CUBN: variants seen among roughly 807,000 people sequenced by gnomAD.
CUBN encodes the protein cubilin, also known as 460 kDa receptor.
Under a neutral mutation model 405.3 loss-of-function variants are expected in CUBN, and 282 were observed. That is an observed-to-expected ratio of 0.70 (90% CI 0.63 to 0.77). The LOEUF (loss-of-function observed/expected upper bound fraction) is 0.77. Ranked by LOEUF, CUBN falls within the 30% of genes least tolerant of loss-of-function variation. The probability of loss-of-function intolerance (pLI) is 0.00; values close to 1 mark genes in which losing one functional copy is unlikely to be tolerated. For synonymous variants in CUBN, 1,684 were observed against 1,617.0 expected, an observed-to-expected ratio of 1.04 and a Z score of -0.99; for missense variants, 4,514 against 4,475.2, an observed-to-expected ratio of 1.01 and a Z score of -0.25.
In CUBN at chr10:17,099,993, G is replaced by T. The variant is rs1836460364; in HGVS notation, c.1765+12C>A. The stretch of plus-strand genomic sequence containing the variant: ...AAATTTTGCTTGCTTTTTTCTCCAG[G>T]TTCACACATACCTGGTTGCTGTGTT... On this transcript the variant is annotated intron_variant, in intron 14 of 66. Coordinates refer to ENST00000377833, the MANE Select transcript of CUBN (RefSeq NM_001081.4). 4 of 1,595,286 alleles carry T rather than the reference G, an allele frequency of 2.5e-6. No homozygotes were observed. The highest frequency in any genetic ancestry group is 2.7e-5 in the African/African-American group (2 of 74,468).
rs187792743 is a variant in CUBN, at chr10:17,014,074, G to A, written c.4168+5759C>T. Among the ~76,000 whole-genome samples the A allele has an allele frequency of 3.3e-5, 5 of 152,294 alleles. No homozygotes were observed. In the South Asian group the frequency reaches 1.0e-3, roughly 32 times the overall value. On this transcript the variant is annotated intron_variant, in intron 28 of 66. Coordinates refer to ENST00000377833, the MANE Select transcript of CUBN (RefSeq NM_001081.4). The stretch of plus-strand genomic sequence containing the variant: ...GCACCTGGTATCTAAGTAGGCGGTT[G>A]TCTGATAGCCATAAACTTCCTTTGG...
At chr10:16,989,741 C>T (rs942180435) in intron 29 of CUBN, among the ~76,000 whole-genome samples, 1 of 152,120 alleles carries the variant, frequency 6.6e-6, no homozygotes, top group Non-Finnish European at 1.5e-5. Flanking sequence ...CTTCAAATGC[C>T]TCATGCTACC....
In CUBN at chr10:16,906,357, G is replaced by C; in HGVS notation, c.7758C>G (p.Gly2586=). The change falls in exon 50 of 67, where the codon GGC becomes GGG. Residue 2586 remains glycine, a synonymous_variant. Transcript: ENST00000377833. ...TTGAGTAATTCCTGACTCCGTCATA[G>C]CCAGGAGAAGTAAAGTTTCCTTCAG... is the stretch of plus-strand genomic sequence containing the variant. ...NTPEGNFTSP[G]YDGVRNYSRN... 1 of 1,614,038 alleles carries C rather than the reference G, an allele frequency of 6.2e-7. No homozygotes were observed. The highest frequency in any genetic ancestry group is 8.5e-7 in the Non-Finnish European group (1 of 1,179,912).
chr10:16,990,383 T>A lies in CUBN; in HGVS notation c.4301A>T (p.His1434Leu), dbSNP rs147373223. 6.2e-7 allele frequency: 1 copy of A among 1,614,202 alleles called. No individual in the cohort carries two copies. The highest frequency in any genetic ancestry group is 1.3e-5 in the African/African-American group (1 of 75,060). ...DPGSSIQLTI[H>L]DFDVEYHSRC... ...TGAATGATACTCCACATCGAAGTCATGGATGGTGAGCTGAATGCTACTCCC... is the reference window on the plus strand; with the variant it reads ...TGAATGATACTCCACATCGAAGTCAAGGATGGTGAGCTGAATGCTACTCCC... Residue 1434 changes from histidine (H) to leucine (L), a missense_variant, in exon 29 of 67, where the codon CAT becomes CTT. This residue lies in a region of CUBN where 1,613 missense variants were observed against 1,542.8 expected (regional missense o/e 1.05). Coordinates refer to ENST00000377833, the MANE Select transcript of CUBN (RefSeq NM_001081.4).
At chr10:16,875,613 A>G (rs996043614) in intron 57 of CUBN, among the ~76,000 whole-genome samples, 2 of 152,228 alleles carry the variant, frequency 1.3e-5, no homozygotes, top group Non-Finnish European at 2.9e-5. Context: ...AAAGTGAATT[A>G]CATGTCAGAT....
chr10:17,022,195 T>C (rs1294330922), intron 27 of CUBN, among the ~76,000 whole-genome samples: 2 of 152,158 alleles, frequency 1.3e-5, no homozygotes, highest in Non-Finnish European at 2.9e-5. Flanking sequence ...AAATCGCAGA[T>C]TTTTAAACCT....
chr10:17,106,506 G>T (rs1420462616), intron 10 of CUBN, among the ~76,000 whole-genome samples: 4 of 149,530 alleles, frequency 2.7e-5, no homozygotes. Context: ...GCCGAGGCAG[G>T]AGAATCACTT....
intron 45 of CUBN, among the ~76,000 whole-genome samples, chr10:16,917,260 TAAAC>T (rs1350230633): frequency 1.3e-5 from 2 of 152,184 alleles, no homozygotes; most frequent in Admixed American, 1.3e-4. Context: ...CTTAAAGTAA[TAAAC>T]ATACTGCATT....
chr10:16,874,308 A>G, intron 58 of CUBN, 66 bp downstream of exon 58: 1 of 1,554,956 alleles, frequency 6.4e-7, no homozygotes, highest in Middle Eastern at 1.7e-4. Context: ...CCATCAATAA[A>G]CGAATGGCTC....
Position 16,869,782 on chromosome 10 carries a change from T to A in CUBN, c.9308A>T (p.Asn3103Ile), listed in dbSNP as rs1171740040. 6.2e-7 allele frequency: 1 copy of A among 1,614,020 alleles called. No individual in the cohort carries two copies. Among genetic ancestry groups the A allele is most frequent in the Non-Finnish European group, 8.5e-7 (1 of 1,179,996 alleles). ...TTTGCCAAGAAGGGGATCGCTGGTATTGGCACCATCGTAAATTGCCAGGTA... is the reference window on the plus strand; with the variant it reads ...TTTGCCAAGAAGGGGATCGCTGGTAATGGCACCATCGTAAATTGCCAGGTA... The part of the protein sequence containing the change: ...HDYLAIYDGA[N>I]TSDPLLGKFC... The change falls in exon 59 of 67, where the codon AAT becomes ATT. Residue 3103 changes from asparagine (N) to isoleucine (I), a missense_variant. Coordinates refer to ENST00000377833, the MANE Select transcript of CUBN (RefSeq NM_001081.4).
rs753748683 is a variant in CUBN, at chr10:16,828,811, G to A, written c.10758C>T (p.Cys3586=). 5.0e-6 allele frequency: 8 copies of A among 1,607,266 alleles called. No homozygotes were observed. Among genetic ancestry groups the A allele is most frequent in the Admixed American group, 3.3e-5 (2 of 59,996 alleles). The change falls in exon 66 of 67, where the codon TGC becomes TGT. Residue 3586 remains cysteine, a synonymous_variant. Transcript: ENST00000377833. ...AAATGTTTGTTTTACTCACGCCTCCGCAGTATGGTCCAGAGGATGGAGAGC... is the reference window on the plus strand; with the variant it reads ...AAATGTTTGTTTTACTCACGCCTCCACAGTATGGTCCAGAGGATGGAGAGC... ...NASSPSSGPY[C]GGDTSIAPFV...
Position 16,862,160 on chromosome 10 carries a change from T to TCTCTCTCTCACACACA in CUBN, c.9454+7475_9454+7476insTGTGTGTGAGAGAGAG, listed in dbSNP as rs144560387. Reference sequence around the variant, plus strand: ...GAGACTCCGTCTCTCTCTCTCTCTCTCACACACACACACACACACACACAC... The same window carrying TCTCTCTCTCACACACA: ...GAGACTCCGTCTCTCTCTCTCTCTCTCTCTCTCTCACACACACACACACACACACACACACACACAC... On this transcript the variant is annotated intron_variant, in intron 59 of 66. Transcript: ENST00000377833. Among the ~76,000 whole-genome samples, 526 of 131,192 alleles carry TCTCTCTCTCACACACA rather than the reference T, an allele frequency of 4.0e-3. 6 individuals are homozygous for TCTCTCTCTCACACACA. Among genetic ancestry groups the TCTCTCTCTCACACACA allele is most frequent in the African/African-American group, 0.016 (481 of 30,766 alleles). 86.1% of individuals were successfully genotyped at this position (131,192 alleles called of 152,430 possible).
At chr10:17,081,870 G>A (rs1835977577) in intron 17 of CUBN, among the ~76,000 whole-genome samples, 1 of 152,114 alleles carries the variant, frequency 6.6e-6, no homozygotes, top group Non-Finnish European at 1.5e-5. Context: ...CAGGTTGGTT[G>A]TATTCCTTTA....
At chr10:17,128,643 C>A (rs1015057851) in intron 2 of CUBN, among the ~76,000 whole-genome samples, 2 of 152,182 alleles carry the variant, frequency 1.3e-5, no homozygotes, top group African/African-American at 4.8e-5. Flanking sequence ...GAGCTTCTAT[C>A]TTTTAGCATA....
chr10:17,056,010 T>A (rs1835387026), intron 22 of CUBN, among the ~76,000 whole-genome samples: 1 of 152,164 alleles, frequency 6.6e-6, no homozygotes, highest in African/African-American at 2.4e-5. Flanking sequence ...CAGATTTTAA[T>A]ATACAATATG....
chr10:16,969,195 T>C (rs1473477705), intron 31 of CUBN, among the ~76,000 whole-genome samples: 1 of 152,206 alleles, frequency 6.6e-6, no homozygotes, highest in Non-Finnish European at 1.5e-5. Context: ...CTCTGAGATT[T>C]TCCACCAAAG....
At position 17,028,344 on chromosome 10, in the gene CUBN, T is replaced by C. The variant is rs1038873701; in HGVS notation, c.4018-8361A>G. On this transcript the variant is annotated intron_variant, in intron 27 of 66. Coordinates refer to ENST00000377833, the MANE Select transcript of CUBN (RefSeq NM_001081.4). The stretch of plus-strand genomic sequence containing the variant: ...TGGTTCATAGAACAACGTGAAATCA[T>C]AGACCTTTGAGCTGGAAGAAGCCAG... 9.9e-5 allele frequency among the ~76,000 whole-genome samples: 15 copies of C among 152,106 alleles called. No individual in the cohort carries two copies. The East Asian group carries it at 2.7e-3, about 27-fold the overall frequency.
intron 36 of CUBN, among the ~76,000 whole-genome samples, chr10:16,945,877 C>G (rs1484938596): frequency 6.6e-6 from 1 of 151,884 alleles, no homozygotes; most frequent in Non-Finnish European, 1.5e-5. Context: ...TAACACAAGG[C>G]CACTTATACC....
rs1833307534 is a variant in CUBN, at chr10:16,982,626, C to A, written c.4553G>T (p.Ser1518Ile). Reference protein sequence around the residue: ...GGCGGIFQAPSGEIHSPNYPS... With the variant: ...GGCGGIFQAPIGEIHSPNYPS... ...GTAATTTGGAGAATGAATCTCTCCA[C>A]TGGGAGCCTGGAAAATCCCACCACA... is the stretch of plus-strand genomic sequence containing the variant. The change falls in exon 31 of 67, where the codon AGT becomes ATT. Residue 1518 changes from serine to isoleucine, a missense_variant. Coordinates refer to ENST00000377833, the MANE Select transcript of CUBN (RefSeq NM_001081.4). 1.9e-6 allele frequency: 3 copies of A among 1,613,316 alleles called. No homozygotes were observed. The highest frequency in any genetic ancestry group is 1.1e-5 in the South Asian group (1 of 91,056).
Sources: gnomAD v4.1 joint callset for allele counts (sites outside exome capture counted in the v4.1 genomes callset) on GRCh38, gnomAD v4.1.1 for gene constraint, gnomAD v4.1.1 regional missense constraint, MANE v1.5 for transcripts, NCBI Gene and HGNC (gene_info 2026-07-23, HGNC 2026-07-21) for gene names.